The following MBP variants were observed in gnomAD, a reference collection of about 807,000 sequenced individuals.
MBP encodes the protein myelin basic protein, also known as Golli-MBP.
In MBP, 16 loss-of-function variants were observed where a neutral mutation model predicts 35.8. The observed-to-expected ratio is 0.45, with a 90% CI of 0.30 to 0.68. The LOEUF (loss-of-function observed/expected upper bound fraction) is 0.68. Ranked by LOEUF, MBP falls within the 30% of genes least tolerant of loss-of-function variation. The pLI is 0.08. For missense variants in MBP, 380 were observed against 404.7 expected, an observed-to-expected ratio of 0.94 and a Z score of 0.52; for synonymous variants, 143 against 159.6, an observed-to-expected ratio of 0.90 and a Z score of 0.78.
chr18:76,992,305 C>CGAA (rs1969976687), intron 4 of MBP, among the ~76,000 whole-genome samples: 1 of 152,166 alleles, frequency 6.6e-6, no homozygotes, highest in African/African-American at 2.4e-5. Context: ...CTCGATCCCT[C>CGAA]GAACATGCCA....
rs984779240 is a variant in MBP, at chr18:77,053,900, C to T, written c.139+12398G>A. Among the ~76,000 whole-genome samples the T allele has an allele frequency of 3.3e-5, 5 of 152,350 alleles. No homozygotes were observed. The East Asian group carries it at 7.7e-4, about 23-fold the overall frequency. ...ATGGGGCTCACTTTCCATCCGGAGT[C>T]GGGGCTCGGACAATAAACAACATAA... On this transcript the variant is annotated intron_variant, in intron 3 of 8. Coordinates refer to ENST00000355994, the MANE Select transcript of MBP (RefSeq NM_001025101.2).
At chr18:77,097,409 C>T (rs1340133653) in intron 2 of MBP, 1 of 152,260 alleles carries the variant, frequency 6.6e-6, no homozygotes, top group African/African-American at 2.4e-5. Context: ...GATTCCATCT[C>T]CTCTGCATAA....
At chr18:77,108,036 G>A (rs1305204647) in intron 1 of MBP, among the ~76,000 whole-genome samples, 1 of 152,226 alleles carries the variant, frequency 6.6e-6, no homozygotes, top group Non-Finnish European at 1.5e-5. Context: ...CTGAGCACCG[G>A]TAAGTGAGAC....
chr18:77,128,137 T>G (rs1345620968), intron 1 of MBP, among the ~76,000 whole-genome samples: 2 of 152,214 alleles, frequency 1.3e-5, no homozygotes, highest in African/African-American at 4.8e-5. Flanking sequence ...ATAATCCAAG[T>G]GCCCTTCCTG....
chr18:77,077,466 C>T (rs950064219), intron 2 of MBP, among the ~76,000 whole-genome samples: 1 of 152,200 alleles, frequency 6.6e-6, no homozygotes, highest in Non-Finnish European at 1.5e-5. Flanking sequence ...AGGTGACTCC[C>T]AGGCCCTCAC....
intron 2 of MBP, among the ~76,000 whole-genome samples, chr18:77,085,127 G>A (rs1484829190): frequency 1.3e-5 from 2 of 152,032 alleles, no homozygotes; most frequent in African/African-American, 4.8e-5. Context: ...TAAAAACAGA[G>A]GAATGCAATG....
In MBP at chr18:77,017,202, C is replaced by T. The variant is rs529411261; in HGVS notation, c.206G>A (p.Arg69His). 15 of 1,530,144 alleles carry T rather than the reference C, an allele frequency of 9.8e-6. No individual in the cohort carries two copies. The East Asian group carries it at 1.6e-4, about 16-fold the overall frequency. 94.8% of individuals were successfully genotyped at this position (1,530,144 alleles called of 1,614,324 possible). The change falls in exon 4 of 9, where the codon CGC becomes CAC. Residue 69 changes from arginine to histidine, a missense_variant. Coordinates refer to ENST00000355994, the MANE Select transcript of MBP (RefSeq NM_001025101.2). ...SQDTAVTDSK[R>H]TADPKNAWQD... ...CCAGGCATTCTTCGGGTCCGCTGTGCGCTTGGAGTCAGTCACCGCTGTGTC... is the reference window on the plus strand; with the variant it reads ...CCAGGCATTCTTCGGGTCCGCTGTGTGCTTGGAGTCAGTCACCGCTGTGTC...
intron 1 of MBP, among the ~76,000 whole-genome samples, chr18:77,128,331 G>A (rs1232882508): frequency 2.0e-5 from 3 of 152,166 alleles, no homozygotes; most frequent in East Asian, 3.8e-4. Flanking sequence ...TTCTTAAAGC[G>A]ACAAAATTAT....
chr18:77,042,774 C>A (rs1355507016), intron 3 of MBP, among the ~76,000 whole-genome samples: 1 of 152,218 alleles, frequency 6.6e-6, no homozygotes, highest in Admixed American at 6.5e-5. Flanking sequence ...ACCCAGCAAG[C>A]GCCTGCGCAG....
At chr18:77,082,588 C>CA (rs112480913) in intron 2 of MBP, among the ~76,000 whole-genome samples, 60 of 152,158 alleles carry the variant, frequency 3.9e-4, no homozygotes, top group African/African-American at 1.2e-3. Flanking sequence ...GACATGTACA[C>CA]ACCAGTGCGC....
chr18:77,075,427 A>T (rs1974611236), intron 2 of MBP, among the ~76,000 whole-genome samples: 1 of 152,254 alleles, frequency 6.6e-6, no homozygotes, highest in African/African-American at 2.4e-5. Flanking sequence ...GCTGGCCTAG[A>T]GAACGCCTGA....
rs1048915390 is a variant in MBP at position 77,131,891 on chromosome 18, G to A, written c.-26+689C>T. Among the ~76,000 whole-genome samples, 1 of 152,058 alleles carries A rather than the reference G, an allele frequency of 6.6e-6. No individual in the cohort carries two copies. Among genetic ancestry groups the A allele is most frequent in the African/African-American group, 2.4e-5 (1 of 41,436 alleles). ...CGTGGGCCCAGGTGGGCGCAGCGAC[G>A]GGCCCGGCCGAAGAGCCCGAGACAG... is the stretch of plus-strand genomic sequence containing the variant. On this transcript the variant is annotated intron_variant, in intron 1 of 8. Coordinates refer to ENST00000355994, the MANE Select transcript of MBP (RefSeq NM_001025101.2). The surrounding 1 kb of genome is among the most constrained non-coding windows in gnomAD (Gnocchi z 5.5).
At chr18:77,065,155 T>C (rs2122449) in intron 3 of MBP, among the ~76,000 whole-genome samples, 16,091 of 152,306 alleles carry the variant, frequency 0.11, 1,082 homozygotes, top group Non-Finnish European at 0.15. Flanking sequence ...TCTATTGCTA[T>C]AACTGAATAC....
intron 3 of MBP, among the ~76,000 whole-genome samples, chr18:77,047,960 C>T (rs1973322941): frequency 6.6e-6 from 1 of 152,166 alleles, no homozygotes; most frequent in Non-Finnish European, 1.5e-5. Context: ...CCACTAAGAC[C>T]AATTCACCCC....
intron 2 of MBP, among the ~76,000 whole-genome samples, chr18:77,094,332 C>T (rs1456716905): frequency 1.3e-5 from 2 of 152,216 alleles, no homozygotes; most frequent in East Asian, 1.9e-4. Context: ...TCTTTAGGAG[C>T]TCACTGAAGT....
intron 3 of MBP, among the ~76,000 whole-genome samples, chr18:77,056,085 C>T (rs182374533): frequency 1.3e-5 from 2 of 152,364 alleles, no homozygotes; most frequent in South Asian, 4.1e-4. Context: ...TTTGTGCCAG[C>T]GCATGGCAGT....
Position 77,017,337 on chromosome 18 carries a change from T to C in MBP, c.140-69A>G, listed in dbSNP as rs559177960. 2.4e-5 allele frequency: 33 copies of C among 1,403,558 alleles called. 2 individuals are homozygous for C. The highest frequency in any genetic ancestry group is 2.3e-4 in the Middle Eastern group (1 of 4,422). The allele number at this position is 1,403,558 out of a possible 1,614,324, so 86.9% of individuals were successfully genotyped here. On this transcript the variant is annotated intron_variant, in intron 3 of 8. Coordinates refer to ENST00000355994, the MANE Select transcript of MBP (RefSeq NM_001025101.2). ...GAGCACCGGACAAAGCAGCTTTCTC[T>C]GAGGGGTCTTGACCTAGCTGTCTCC...
intron 2 of MBP, among the ~76,000 whole-genome samples, chr18:77,091,515 GC>G (rs1975519350): frequency 6.6e-6 from 1 of 152,084 alleles, no homozygotes; most frequent in Non-Finnish European, 1.5e-5. Flanking sequence ...CAGAGCTAGG[GC>G]TGAGTGCGGG....
chr18:77,088,809 A>C (rs1975382670), intron 2 of MBP, among the ~76,000 whole-genome samples: 1 of 152,230 alleles, frequency 6.6e-6, no homozygotes. Context: ...AATATGCCCA[A>C]GTCCTAGCCC....
Sources: allele counts gnomAD v4.1 joint callset (sites outside exome capture counted in the v4.1 genomes callset), GRCh38; gene constraint gnomAD v4.1.1; non-coding constraint Gnocchi (gnomAD v3.1); transcripts MANE v1.5; gene names NCBI Gene and HGNC (gene_info 2026-07-23, HGNC 2026-07-21).